The following HIVEP2 variants were observed in gnomAD, a reference collection of about 807,000 sequenced individuals.
HIVEP2 encodes HIVEP zinc finger 2, also known as transcription factor HIVEP2.
A neutral mutation model predicts 180.7 loss-of-function variants in HIVEP2; 14 were observed. The observed-to-expected ratio is 0.08, with a 90% CI of 0.05 to 0.12. The LOEUF (loss-of-function observed/expected upper bound fraction) is 0.12. Among genes scored for constraint, HIVEP2 ranks in the 10% least tolerant of loss-of-function variants. The pLI, the probability that HIVEP2 is intolerant of heterozygous loss-of-function variation, is 1.00. For synonymous variants in HIVEP2, 1,184 were observed against 1,136.4 expected (o/e 1.04, Z -0.84); for missense variants, 2,579 against 3,008.5 (o/e 0.86, Z 3.34).
intron 1 of HIVEP2, among the ~76,000 whole-genome samples, chr6:142,878,139 A>T (rs563403819): frequency 6.6e-6 from 1 of 152,314 alleles, no homozygotes; most frequent in Admixed American, 6.5e-5. Flanking sequence ...TTCTGATATC[A>T]TTTAAACTTC....
At chr6:142,857,565 C>G (rs1338072546) in intron 1 of HIVEP2, among the ~76,000 whole-genome samples, 3 of 152,168 alleles carry the variant, frequency 2.0e-5, no homozygotes, top group Non-Finnish European at 4.4e-5. Context: ...GCTGCGCTGA[C>G]CACACTGCAT....
intron 1 of HIVEP2, among the ~76,000 whole-genome samples, chr6:142,927,132 G>GCT (rs1777838878): frequency 6.6e-6 from 1 of 152,038 alleles, no homozygotes; most frequent in African/African-American, 2.4e-5. Flanking sequence ...GGGAAGAGCT[G>GCT]CTCTTCCTCC....
At chr6:142,880,739 C>G (rs549700428) in intron 1 of HIVEP2, among the ~76,000 whole-genome samples, 1 of 152,138 alleles carries the variant, frequency 6.6e-6, no homozygotes, top group African/African-American at 2.4e-5. Context: ...AGGCAAAGTT[C>G]GGCCTACAAC....
intron 1 of HIVEP2, among the ~76,000 whole-genome samples, chr6:142,918,340 A>G (rs371175081): frequency 6.6e-6 from 1 of 152,202 alleles, no homozygotes; most frequent in East Asian, 1.9e-4. Flanking sequence ...GCCATCGCTC[A>G]CAGCCCTATT....
intron 1 of HIVEP2, among the ~76,000 whole-genome samples, chr6:142,931,368 T>C (rs1369769911): frequency 6.6e-6 from 1 of 152,000 alleles, no homozygotes; most frequent in Non-Finnish European, 1.5e-5. Flanking sequence ...TGTATCCCCA[T>C]TTTTAATCAA....
At chr6:142,811,722 A>AT (rs1776703878) in intron 2 of HIVEP2, among the ~76,000 whole-genome samples, 4 of 152,174 alleles carry the variant, frequency 2.6e-5, no homozygotes, top group Admixed American at 6.5e-5. Context: ...CTCACCCCCC[A>AT]TGTTAAGTGT....
At chr6:142,890,451 C>T (rs1445632383) in intron 1 of HIVEP2, among the ~76,000 whole-genome samples, 2 of 152,174 alleles carry the variant, frequency 1.3e-5, no homozygotes, top group Admixed American at 1.3e-4. Context: ...CTTCATTTCC[C>T]TGTACACATT....
At chr6:142,838,600 C>T (rs934185857) in intron 1 of HIVEP2, among the ~76,000 whole-genome samples, 4 of 152,102 alleles carry the variant, frequency 2.6e-5, no homozygotes, top group Admixed American at 6.6e-5. Flanking sequence ...CTTCATAATA[C>T]CACTTCTCAA....
intron 1 of HIVEP2, among the ~76,000 whole-genome samples, chr6:142,858,127 C>T (rs35921387): frequency 0.027 from 4,055 of 152,306 alleles, 98 homozygotes; most frequent in Admixed American, 0.051. Context: ...CTAACAGTGA[C>T]ATAAAGCATC....
At chr6:142,883,460 C>T (rs1287654308) in intron 1 of HIVEP2, among the ~76,000 whole-genome samples, 1 of 152,090 alleles carries the variant, frequency 6.6e-6, no homozygotes, top group African/African-American at 2.4e-5. Flanking sequence ...CCCACACAAA[C>T]TATAATCTTT....
At chr6:142,855,721 T>C (rs766004461) in intron 1 of HIVEP2, among the ~76,000 whole-genome samples, 5 of 152,238 alleles carry the variant, frequency 3.3e-5, no homozygotes, top group Non-Finnish European at 5.9e-5. Flanking sequence ...GCAGTGCTTC[T>C]GTTCATATGC....
intron 2 of HIVEP2, among the ~76,000 whole-genome samples, chr6:142,789,980 A>G (rs1776098909): frequency 6.6e-6 from 1 of 152,236 alleles, no homozygotes. Flanking sequence ...AATTTCCATA[A>G]GCAGTGCATT....
intron 1 of HIVEP2, among the ~76,000 whole-genome samples, chr6:142,910,199 C>T (rs1305481890): frequency 6.6e-6 from 1 of 152,200 alleles, no homozygotes; most frequent in Non-Finnish European, 1.5e-5. Context: ...CCGTTTCTTT[C>T]TGATGAGATA....
intron 2 of HIVEP2, among the ~76,000 whole-genome samples, chr6:142,793,669 T>TTC (rs1554279282): frequency 1.0e-5 from 1 of 97,212 alleles, no homozygotes; most frequent in Non-Finnish European, 2.0e-5. Context: ...TTTTCTTTCT[T>TTC]TCTTTCTCTC....
intron 2 of HIVEP2, among the ~76,000 whole-genome samples, chr6:142,818,761 G>GAA (rs1359720473): frequency 8.8e-6 from 1 of 113,336 alleles, no homozygotes; most frequent in Non-Finnish European, 1.9e-5. Context: ...AAGAAAGAAA[G>GAA]AAAGAAAGAA....
intron 1 of HIVEP2, among the ~76,000 whole-genome samples, chr6:142,890,645 T>A (rs1562280609): frequency 1.3e-5 from 2 of 152,174 alleles, no homozygotes; most frequent in Non-Finnish European, 2.9e-5. Context: ...TGACCTCCTA[T>A]CTGTCAAATA....
chr6:142,898,339 C>T (rs1317943163), intron 1 of HIVEP2, among the ~76,000 whole-genome samples: 1 of 152,164 alleles, frequency 6.6e-6, no homozygotes, highest in Non-Finnish European at 1.5e-5. Flanking sequence ...ACAGACCACA[C>T]ATGACCACAG....
intron 2 of HIVEP2, among the ~76,000 whole-genome samples, chr6:142,820,734 A>G (rs963439634): frequency 6.6e-6 from 1 of 152,144 alleles, no homozygotes; most frequent in Non-Finnish European, 1.5e-5. Context: ...CAGCCTATCA[A>G]ATAATGTACT....
At chr6:142,815,082 T>C (rs1776799595) in intron 2 of HIVEP2, among the ~76,000 whole-genome samples, 1 of 152,150 alleles carries the variant, frequency 6.6e-6, no homozygotes, top group Non-Finnish European at 1.5e-5. Context: ...CTAATCCTTT[T>C]ATAAGGAGCT....
Sources: gnomAD v4.1 joint callset for allele counts (sites outside exome capture counted in the v4.1 genomes callset) on GRCh38, gnomAD v4.1.1 for gene constraint, MANE v1.5 for transcripts, NCBI Gene and HGNC (gene_info 2026-07-23, HGNC 2026-07-21) for gene names.